The following MS4A7 variants were observed in gnomAD, a reference collection of about 807,000 sequenced individuals.
The protein encoded by MS4A7 is membrane-spanning 4-domains subfamily A member 7.
MS4A7 carries 21 observed loss-of-function variants against 23.5 expected under a neutral mutation model. That is an observed-to-expected ratio of 0.89 (90% CI 0.63 to 1.29). The LOEUF (loss-of-function observed/expected upper bound fraction) is 1.29, where lower values mean the gene tolerates loss of function less well. MS4A7 is among the 50% of genes most tolerant of loss of function. The pLI is 0.00. For missense variants in MS4A7, 263 were observed against 274.2 expected (o/e 0.96, Z 0.29); for synonymous variants, 111 against 107.4 (o/e 1.03, Z -0.21).
intron 1 of MS4A7, among the ~76,000 whole-genome samples, chr11:60,382,561 T>C (rs562863747): frequency 6.6e-6 from 1 of 152,332 alleles, no homozygotes; most frequent in African/African-American, 2.4e-5. Flanking sequence ...AATGTTTACA[T>C]TACTAATTAC....
At position 60,393,890 on chromosome 11, in the gene MS4A7, G is replaced by C. The variant is rs1168594751; in HGVS notation, c.*29G>C. On this transcript the variant is annotated 3_prime_UTR_variant, in exon 7 of 7. Transcript: ENST00000300184. ...ACTCTTGGCCTCAGAGGAAGGAAAA[G>C]CAACTCAACACTCATGGTCAAGTGT... The C allele has an allele frequency of 6.7e-6, 10 of 1,481,572 alleles. No homozygotes were observed. The highest frequency in any genetic ancestry group is 8.4e-6 in the Non-Finnish European group (9 of 1,074,012). 91.8% of individuals were successfully genotyped at this position (1,481,572 alleles called of 1,614,324 possible).
At chr11:60,380,821 A>G (rs1446854154) in intron 1 of MS4A7, among the ~76,000 whole-genome samples, 1 of 152,214 alleles carries the variant, frequency 6.6e-6, no homozygotes, top group Non-Finnish European at 1.5e-5. Flanking sequence ...GTGGCAGCCA[A>G]TGCTTCAACA....
At chr11:60,388,321 C>T (rs1226145558) in intron 4 of MS4A7, among the ~76,000 whole-genome samples, 1 of 152,092 alleles carries the variant, frequency 6.6e-6, no homozygotes, top group Non-Finnish European at 1.5e-5. Context: ...TAACTGAAGC[C>T]CAGAGTAAGA....
intron 4 of MS4A7, among the ~76,000 whole-genome samples, chr11:60,387,519 C>G (rs1000020281): frequency 2.0e-5 from 3 of 152,078 alleles, no homozygotes. Flanking sequence ...CTATTTCCAT[C>G]CAAAGACTCA....
In MS4A7 at chr11:60,395,815, A is replaced by G. The variant is rs1484037743; in HGVS notation, c.*1954A>G. On this transcript the variant is annotated 3_prime_UTR_variant, in exon 7 of 7. Transcript: ENST00000300184. Reference sequence around the variant, plus strand: ...AGAAAAAAGATAACTACGTGAGGTGATGGATATGTTAATTAGCTGGATTGT... The same window carrying G: ...AGAAAAAAGATAACTACGTGAGGTGGTGGATATGTTAATTAGCTGGATTGT... 1 of 152,154 alleles carries G rather than the reference A, an allele frequency of 6.6e-6. No individual in the cohort carries two copies. The highest frequency in any genetic ancestry group is 1.5e-5 in the Non-Finnish European group (1 of 68,024). 9.4% of individuals were successfully genotyped at this position (152,154 alleles called of 1,614,324 possible).
chr11:60,392,585 T>C lies in MS4A7; in HGVS notation c.547-100T>C, dbSNP rs1255825777. 3.7e-6 allele frequency: 3 copies of C among 804,104 alleles called. No homozygotes were observed. The African/African-American group carries it at 5.3e-5, about 14-fold the overall frequency. The allele number at this position is 804,104 out of a possible 1,614,324, so 49.8% of individuals were successfully genotyped here. On this transcript the variant is annotated intron_variant, in intron 5 of 6. Transcript: ENST00000300184. ...GGATTAAGCAATTTTCCCTGTCTCC[T>C]TTTCTCTGCATTGCTGGAGCCTCAT...
At chr11:60,389,165 T>C in intron 4 of MS4A7, 1 of 533,716 alleles carries the variant, frequency 1.9e-6, no homozygotes, top group South Asian at 2.2e-5. Flanking sequence ...TAAGGAGGAA[T>C]TATCCATGCA....
intron 4 of MS4A7, among the ~76,000 whole-genome samples, chr11:60,387,319 G>A (rs1323197754): frequency 6.6e-6 from 1 of 152,132 alleles, no homozygotes; most frequent in East Asian, 1.9e-4. Context: ...TACTCCCCAG[G>A]CAAAGCAGAA....
chr11:60,392,472 T>C (rs1292443462), intron 5 of MS4A7, among the ~76,000 whole-genome samples: 1 of 152,198 alleles, frequency 6.6e-6, no homozygotes, highest in East Asian at 1.9e-4. Context: ...CATCTATCAT[T>C]AGGTGGGATA....
At chr11:60,392,932 T>C in intron 6 of MS4A7, 146 bp downstream of exon 6, 2 of 605,624 alleles carry the variant, frequency 3.3e-6, no homozygotes, top group South Asian at 2.0e-5. Flanking sequence ...AAAAAATGAG[T>C]TTAACAGTGA....
chr11:60,385,299 A>G (rs890851453), intron 3 of MS4A7, 77 bp downstream of exon 3: 1 of 1,546,868 alleles, frequency 6.5e-7, no homozygotes, highest in Non-Finnish European at 8.8e-7. Flanking sequence ...AGTGACTCAG[A>G]CTCCAAGAGG....
At chr11:60,389,313 C>A in intron 4 of MS4A7, 77 bp from the exon 5 acceptor site, 2 of 1,161,306 alleles carry the variant, frequency 1.7e-6, no homozygotes, top group Non-Finnish European at 2.5e-6. Context: ...AGCACCATTG[C>A]AGTACAATGG....
intron 2 of MS4A7, 67 bp downstream of exon 2, chr11:60,383,355 C>A: frequency 6.4e-7 from 1 of 1,560,116 alleles, no homozygotes; most frequent in Non-Finnish European, 8.7e-7. Context: ...GACTACAGAT[C>A]TACAGTGGGT....
At chr11:60,380,754 T>C (rs2085419927) in intron 1 of MS4A7, among the ~76,000 whole-genome samples, 1 of 152,204 alleles carries the variant, frequency 6.6e-6, no homozygotes, top group African/African-American at 2.4e-5. Flanking sequence ...AAAGAAATCT[T>C]CAACCTATAT....
At chr11:60,387,799 G>T (rs756934558) in intron 4 of MS4A7, among the ~76,000 whole-genome samples, 1 of 152,182 alleles carries the variant, frequency 6.6e-6, no homozygotes, top group Non-Finnish European at 1.5e-5. Flanking sequence ...TAAAAGAGCG[G>T]CTTCAGAGAA....
chr11:60,388,155 T>A (rs2085511469), intron 4 of MS4A7, among the ~76,000 whole-genome samples: 1 of 152,212 alleles, frequency 6.6e-6, no homozygotes, highest in African/African-American at 2.4e-5. Context: ...AAAGCTACCA[T>A]ATGAGCAATG....
At chr11:60,388,148 G>A (rs887082905) in intron 4 of MS4A7, among the ~76,000 whole-genome samples, 1 of 152,202 alleles carries the variant, frequency 6.6e-6, no homozygotes, top group Non-Finnish European at 1.5e-5. Flanking sequence ...TTTGCCCAAA[G>A]CTACCATATG....
In MS4A7 at chr11:60,383,302, A is replaced by C; in HGVS notation, c.147+14A>C. 1 of 1,613,838 alleles carries C rather than the reference A, an allele frequency of 6.2e-7. No homozygotes were observed. The highest frequency in any genetic ancestry group is 8.5e-7 in the Non-Finnish European group (1 of 1,179,890). ...ACCGTTCTTGGGGTAAGTCCACCTC[A>C]TTATAAGGGGAATACTGAGAAAATA... On this transcript the variant is annotated intron_variant, in intron 2 of 6. Coordinates refer to ENST00000300184, the MANE Select transcript of MS4A7 (RefSeq NM_021201.5).
rs114539588 is a variant in MS4A7, at chr11:60,388,056, G to T, written c.339+1283G>T. 8.3e-3 allele frequency among the ~76,000 whole-genome samples: 1,263 copies of T among 152,312 alleles called. 17 individuals carry two copies. Among genetic ancestry groups the T allele is most frequent in the African/African-American group, 0.029 (1,190 of 41,572 alleles). On this transcript the variant is annotated intron_variant, in intron 4 of 6. Coordinates refer to ENST00000300184, the MANE Select transcript of MS4A7 (RefSeq NM_021201.5). ...GTATGTTGGGAAGGATGGTTGTCCT[G>T]CCCTTTTCTACTCCAGCTCTGTAGC...
Sources: gnomAD v4.1 joint callset for allele counts (sites outside exome capture counted in the v4.1 genomes callset) on GRCh38, gnomAD v4.1.1 for gene constraint, MANE v1.5 for transcripts, NCBI Gene and HGNC (gene_info 2026-07-23, HGNC 2026-07-21) for gene names.